The following ST3GAL1 variants were observed in gnomAD, a reference collection of about 807,000 sequenced individuals.
ST3GAL1 encodes the protein CMP-N-acetylneuraminate-beta-galactosamide-alpha-2,3-sialyltransferase 1.
In ST3GAL1, 16 loss-of-function variants were observed where a neutral mutation model predicts 34.1. That is an observed-to-expected ratio of 0.47 (90% CI 0.32 to 0.71). ST3GAL1 has a LOEUF of 0.71. Ranked by LOEUF, ST3GAL1 falls within the 30% of genes least tolerant of loss-of-function variation. The probability of loss-of-function intolerance (pLI) is 0.04; values close to 1 mark genes in which losing one functional copy is unlikely to be tolerated. For missense variants in ST3GAL1, 353 were observed against 447.4 expected, an observed-to-expected ratio of 0.79 and a Z score of 1.90; for synonymous variants, 191 against 184.7, an observed-to-expected ratio of 1.03 and a Z score of -0.28.
intron 2 of ST3GAL1, among the ~76,000 whole-genome samples, chr8:133,544,594 C>T (rs994584559): frequency 2.0e-5 from 3 of 152,168 alleles, no homozygotes; most frequent in African/African-American, 7.2e-5. Flanking sequence ...CCCTTGGGAA[C>T]ACAGAAGCGA....
intron 1 of ST3GAL1, among the ~76,000 whole-genome samples, chr8:133,569,099 T>A (rs552563648): frequency 2.6e-5 from 4 of 152,316 alleles, no homozygotes; most frequent in African/African-American, 7.2e-5. Flanking sequence ...CAACGCTTCC[T>A]GTTTTTCTCT....
chr8:133,532,981 T>G (rs1818202241), intron 2 of ST3GAL1, among the ~76,000 whole-genome samples: 1 of 152,202 alleles, frequency 6.6e-6, no homozygotes, highest in South Asian at 2.1e-4. Context: ...ACTAATTAAG[T>G]GCCGGGCTGG....
chr8:133,529,846 G>T (rs1418452224), intron 2 of ST3GAL1, among the ~76,000 whole-genome samples: 1 of 152,128 alleles, frequency 6.6e-6, no homozygotes, highest in Non-Finnish European at 1.5e-5. Flanking sequence ...CAAGGTTCTT[G>T]CCTTCCTCAA....
In ST3GAL1 at chr8:133,556,303, A is replaced by G. The variant is rs544573328; in HGVS notation, c.-581-10377T>C. Among the ~76,000 whole-genome samples, 149 of 152,126 alleles carry G rather than the reference A, an allele frequency of 9.8e-4. No individual in the cohort carries two copies. The highest frequency in any genetic ancestry group is 1.7e-3 in the Non-Finnish European group (115 of 68,022). ...CGGACGTGGAAGTCACTTGCCCCAG[A>G]TCTCACCACTGATCAACAGCAGGCC... is the stretch of plus-strand genomic sequence containing the variant. On this transcript the variant is annotated intron_variant, in intron 1 of 9. Transcript: ENST00000522652. This position sits in a 1 kb window ranked among gnomAD's most constrained non-coding sequence, Gnocchi z 8.9.
At chr8:133,560,162 G>A (rs1467003320) in intron 1 of ST3GAL1, among the ~76,000 whole-genome samples, 1 of 151,958 alleles carries the variant, frequency 6.6e-6, no homozygotes, top group African/African-American at 2.4e-5. Context: ...TGAGGTGACA[G>A]ATATGCAAAT....
intron 7 of ST3GAL1, 59 bp downstream of exon 7, chr8:133,464,719 G>T (rs974270575): frequency 1.9e-6 from 3 of 1,546,502 alleles, no homozygotes; most frequent in Non-Finnish European, 2.6e-6. Context: ...GCAGGGTGGG[G>T]GGACAGGGTG....
chr8:133,483,413 C>A (rs976576098), intron 3 of ST3GAL1, among the ~76,000 whole-genome samples: 1 of 152,166 alleles, frequency 6.6e-6, no homozygotes, highest in Non-Finnish European at 1.5e-5. Context: ...CAAAAGTGAA[C>A]AGCTCAGTTC....
At chr8:133,485,495 T>A (rs937606531) in intron 3 of ST3GAL1, among the ~76,000 whole-genome samples, 3 of 152,200 alleles carry the variant, frequency 2.0e-5, no homozygotes, top group Non-Finnish European at 2.9e-5. Flanking sequence ...AAGAACTTCA[T>A]AAGCACCTGG....
At chr8:133,506,959 T>TAAATAAATAAATAA (rs1554615410) in intron 2 of ST3GAL1, among the ~76,000 whole-genome samples, 2 of 148,424 alleles carry the variant, frequency 1.3e-5, no homozygotes, top group African/African-American at 5.0e-5. Context: ...AAATAAATAA[T>TAAATAAATAAATAA]AAATAAAAAT....
intron 2 of ST3GAL1, among the ~76,000 whole-genome samples, chr8:133,529,410 C>T (rs1818078763): frequency 6.6e-6 from 1 of 152,204 alleles, no homozygotes; most frequent in Admixed American, 6.5e-5. Flanking sequence ...AACTCAGGAC[C>T]TGCTGGCTGT....
At chr8:133,460,264 G>A (rs1815446980) in intron 9 of ST3GAL1, among the ~76,000 whole-genome samples, 1 of 152,308 alleles carries the variant, frequency 6.6e-6, no homozygotes, top group South Asian at 2.1e-4. Flanking sequence ...CAGAGGGAAG[G>A]AATAGGAAGG....
chr8:133,479,370 G>A (rs544759546), intron 3 of ST3GAL1, among the ~76,000 whole-genome samples: 1 of 152,238 alleles, frequency 6.6e-6, no homozygotes, highest in South Asian at 2.1e-4. Flanking sequence ...ATGCAGCTGG[G>A]GTGAGAGTGT....
intron 8 of ST3GAL1, 146 bp downstream of exon 8, chr8:133,463,268 C>T: frequency 1.1e-6 from 1 of 873,206 alleles, no homozygotes. Flanking sequence ...TGACCTCTTC[C>T]CCCAGGGGGA....
intron 2 of ST3GAL1, among the ~76,000 whole-genome samples, chr8:133,519,922 C>A (rs1417851124): frequency 2.0e-5 from 3 of 152,166 alleles, no homozygotes; most frequent in Non-Finnish European, 4.4e-5. Context: ...TGTGCTCCAG[C>A]CTGAGTGAAA....
chr8:133,505,950 T>C lies in ST3GAL1; in HGVS notation c.-428-6761A>G, dbSNP rs114807302. 8.1e-3 allele frequency among the ~76,000 whole-genome samples: 1,238 copies of C among 152,310 alleles called. 27 individuals are homozygous for C. Among genetic ancestry groups the C allele is most frequent in the African/African-American group, 0.029 (1,191 of 41,564 alleles). ...TTAAATTTAAAATACAAGTCCTCAGTTGCACTCATTAATTAACTAATTAAT... is the reference window on the plus strand; with the variant it reads ...TTAAATTTAAAATACAAGTCCTCAGCTGCACTCATTAATTAACTAATTAAT... On this transcript the variant is annotated intron_variant, in intron 2 of 9. Transcript: ENST00000522652.
intron 3 of ST3GAL1, among the ~76,000 whole-genome samples, chr8:133,482,281 A>G (rs7460764): frequency 0.79 from 120,811 of 152,130 alleles, 48,570 homozygotes; most frequent in Non-Finnish European, 0.84. Flanking sequence ...GATCTGGTAC[A>G]AGCTTCTGCC....
At chr8:133,540,884 C>CATATATATAGAGACAT (rs1818469822) in intron 2 of ST3GAL1, among the ~76,000 whole-genome samples, 1 of 88,030 alleles carries the variant, frequency 1.1e-5, no homozygotes, top group Non-Finnish European at 2.2e-5. Flanking sequence ...TATATAGAGA[C>CATATATATAGAGACAT]ATATATATAG....
chr8:133,504,795 G>A (rs1198981953), intron 2 of ST3GAL1, among the ~76,000 whole-genome samples: 3 of 152,208 alleles, frequency 2.0e-5, no homozygotes, highest in Non-Finnish European at 4.4e-5. Flanking sequence ...ATGGGAAGAA[G>A]ATGACAAGGC....
chr8:133,471,835 A>C (rs920161958), intron 5 of ST3GAL1, among the ~76,000 whole-genome samples: 56 of 152,084 alleles, frequency 3.7e-4, no homozygotes, highest in African/African-American at 1.3e-3. Context: ...GCATTTGGGC[A>C]CTGGGCATGG....
Sources: gnomAD v4.1 joint callset for allele counts (sites outside exome capture counted in the v4.1 genomes callset) on GRCh38, gnomAD v4.1.1 for gene constraint, Gnocchi (gnomAD v3.1) non-coding constraint, MANE v1.5 for transcripts, NCBI Gene and HGNC (gene_info 2026-07-23, HGNC 2026-07-21) for gene names.